PARVA: variants seen among roughly 807,000 people sequenced by gnomAD.
PARVA encodes the protein alpha-parvin.
PARVA carries 25 observed loss-of-function variants against 52.6 expected under a neutral mutation model. That is an observed-to-expected ratio of 0.48 (90% confidence interval 0.35 to 0.66). The LOEUF (loss-of-function observed/expected upper bound fraction) is 0.66, where lower values mean the gene tolerates loss of function less well. PARVA is among the 30% of genes least tolerant of loss of function. PARVA has a pLI of 0.01. For missense variants in PARVA, 373 were observed against 450.9 expected, an observed-to-expected ratio of 0.83 and a Z score of 1.56; for synonymous variants, 185 against 179.1, an observed-to-expected ratio of 1.03 and a Z score of -0.26.
At chr11:12,386,365 A>G (rs1939572092) in intron 1 of PARVA, among the ~76,000 whole-genome samples, 1 of 152,152 alleles carries the variant, frequency 6.6e-6, no homozygotes, top group Non-Finnish European at 1.5e-5. Flanking sequence ...TATTCTGGAA[A>G]TACCTTTTCC....
chr11:12,435,443 A>C (rs973557632), intron 1 of PARVA, among the ~76,000 whole-genome samples: 5 of 152,218 alleles, frequency 3.3e-5, no homozygotes, highest in South Asian at 2.1e-4. Context: ...TGTGAAACAC[A>C]CAGATGGGTG....
chr11:12,461,295 A>G (rs140818933), intron 1 of PARVA, among the ~76,000 whole-genome samples: 1,895 of 152,224 alleles, frequency 0.012, 33 homozygotes, highest in African/African-American at 0.039. Flanking sequence ...TACATTTCCT[A>G]TGTAATTAGC....
intron 1 of PARVA, among the ~76,000 whole-genome samples, chr11:12,399,452 T>G (rs1939795196): frequency 6.6e-6 from 1 of 152,220 alleles, no homozygotes; most frequent in African/African-American, 2.4e-5. Flanking sequence ...GTCTATACCC[T>G]GTTCAACTAG....
chr11:12,407,221 T>A (rs1939925052), intron 1 of PARVA, among the ~76,000 whole-genome samples: 1 of 152,222 alleles, frequency 6.6e-6, no homozygotes, highest in South Asian at 2.1e-4. Context: ...TGTGTATATC[T>A]GTGATATATT....
At chr11:12,379,514 C>A (rs1939454695) in intron 1 of PARVA, among the ~76,000 whole-genome samples, 1 of 152,208 alleles carries the variant, frequency 6.6e-6, no homozygotes, top group African/African-American at 2.4e-5. Context: ...CAATCTAACA[C>A]TAGGTCTTCT....
chr11:12,481,975 G>T (rs572017314), intron 4 of PARVA, among the ~76,000 whole-genome samples: 2 of 151,882 alleles, frequency 1.3e-5, no homozygotes, highest in Non-Finnish European at 2.9e-5. Context: ...TTCGAGACCA[G>T]CCTGACCAAC....
In PARVA at chr11:12,518,475, A is replaced by G. The variant is rs180994495; in HGVS notation, c.1000A>G (p.Met334Val). ...VLNVSFAFEL[M>V]QDGGLEKPKP... is the part of the protein sequence containing the mutation. Reference sequence around the variant, plus strand: ...GAATGTCTCCTTTGCCTTTGAGCTCATGCAAGATGGAGGGTTGGAAAAGCC... The same window carrying G: ...GAATGTCTCCTTTGCCTTTGAGCTCGTGCAAGATGGAGGGTTGGAAAAGCC... The change falls in exon 12 of 13, where the codon ATG (methionine) becomes GTG (valine). Residue 334 changes from methionine (M) to valine (V), a missense_variant. Coordinates refer to ENST00000334956, the MANE Select transcript of PARVA (RefSeq NM_018222.5). 1.2e-6 allele frequency: 2 copies of G among 1,613,812 alleles called. No individual in the cohort carries two copies. The highest frequency in any genetic ancestry group is 2.2e-5 in the South Asian group (2 of 91,000).
chr11:12,382,501 C>T (rs945714228), intron 1 of PARVA, among the ~76,000 whole-genome samples: 1 of 151,498 alleles, frequency 6.6e-6, no homozygotes, highest in African/African-American at 2.4e-5. Context: ...TATAAGTGGA[C>T]CCTCGCAGTT....
At chr11:12,447,336 C>G (rs996409852) in intron 1 of PARVA, among the ~76,000 whole-genome samples, 1 of 152,146 alleles carries the variant, frequency 6.6e-6, no homozygotes, top group Non-Finnish European at 1.5e-5. Context: ...AAATACCTTG[C>G]CCTGTGTCCC....
Position 12,415,788 on chromosome 11 carries a change from A to AAG in PARVA, c.136+38019_136+38020dup, listed in dbSNP as rs569739949. ...CTTTCTGCTCCCACCAGCCAGGAAA[A>AAG]AGAGAGAGAGAGAGATTAGGCATTT... On this transcript the variant is annotated intron_variant, in intron 1 of 12. Coordinates refer to ENST00000334956, the MANE Select transcript of PARVA (RefSeq NM_018222.5). 5.3e-5 allele frequency among the ~76,000 whole-genome samples: 8 copies of AAG among 151,834 alleles called. No homozygotes were observed. The East Asian group carries it at 1.2e-3, about 22-fold the overall frequency.
At chr11:12,526,144 C>A (rs1309277064) in intron 12 of PARVA, among the ~76,000 whole-genome samples, 2 of 152,096 alleles carry the variant, frequency 1.3e-5, no homozygotes. Context: ...GATGGGCACA[C>A]TAAAATCTCA....
Position 12,412,080 on chromosome 11 carries a change from ACTT to A in PARVA, c.136+34298_136+34300del, listed in dbSNP as rs1318443625. On this transcript the variant is annotated intron_variant, in intron 1 of 12. Transcript: ENST00000334956. ...ATCCTTCCTCCCTGATGCAATTCCC[ACTT>A]TCCTTACAGAGACTGACACTGTCCC... is the stretch of plus-strand genomic sequence containing the variant. 8.9e-3 allele frequency among the ~76,000 whole-genome samples: 1,347 copies of A among 152,120 alleles called. 17 individuals carry two copies. Among genetic ancestry groups the A allele is most frequent in the African/African-American group, 0.031 (1,286 of 41,518 alleles).
chr11:12,488,859 A>G (rs558311178), intron 4 of PARVA, among the ~76,000 whole-genome samples: 2 of 152,208 alleles, frequency 1.3e-5, no homozygotes, highest in Non-Finnish European at 2.9e-5. Context: ...CTTCTTTTAA[A>G]GAGGAAGGAA....
Position 12,518,459 on chromosome 11 carries a change from C to T in PARVA, c.984C>T (p.Ser328=). The change falls in exon 12 of 13, where the codon TCC becomes TCT. Residue 328 remains serine, a synonymous_variant. Coordinates refer to ENST00000334956, the MANE Select transcript of PARVA (RefSeq NM_018222.5). Reference sequence around the variant, plus strand: ...TCTCTTGCCAGGTCTTGAATGTCTCCTTTGCCTTTGAGCTCATGCAAGATG... The same window carrying T: ...TCTCTTGCCAGGTCTTGAATGTCTCTTTTGCCTTTGAGCTCATGCAAGATG... ...DSFEQKVLNV[S]FAFELMQDGG... is the part of the protein sequence containing the mutation. 2 of 1,613,712 alleles carry T rather than the reference C, an allele frequency of 1.2e-6. No homozygotes were observed.
At chr11:12,490,962 T>C (rs1458758022) in intron 4 of PARVA, among the ~76,000 whole-genome samples, 1 of 151,686 alleles carries the variant, frequency 6.6e-6, no homozygotes, top group Non-Finnish European at 1.5e-5. Context: ...ACCTCCCTAC[T>C]AATCATGGGG....
chr11:12,453,827 G>A (rs1161559831), intron 1 of PARVA, among the ~76,000 whole-genome samples: 1 of 152,138 alleles, frequency 6.6e-6, no homozygotes, highest in Non-Finnish European at 1.5e-5. Context: ...AATAAAAAGG[G>A]TGGCTCTAAG....
At chr11:12,442,109 C>A (rs149998885) in intron 1 of PARVA, among the ~76,000 whole-genome samples, 259 of 152,332 alleles carry the variant, frequency 1.7e-3, no homozygotes, top group African/African-American at 5.5e-3. Context: ...AGCATGGAGG[C>A]AGGAAGCCAT....
rs550670206 is a variant in PARVA, at chr11:12,392,547, G to A, written c.136+14764G>A. Among the ~76,000 whole-genome samples the A allele has an allele frequency of 8.5e-5, 13 of 152,194 alleles. No individual in the cohort carries two copies. In the East Asian group the frequency reaches 1.5e-3, roughly 18 times the overall value. On this transcript the variant is annotated intron_variant, in intron 1 of 12. Coordinates refer to ENST00000334956, the MANE Select transcript of PARVA (RefSeq NM_018222.5). Reference sequence around the variant, plus strand: ...GCTTCCCAAAGTGCTGGGATTACAGGCATGAGCCACCATACCCTTCATTCC... The same window carrying A: ...GCTTCCCAAAGTGCTGGGATTACAGACATGAGCCACCATACCCTTCATTCC...
intron 1 of PARVA, among the ~76,000 whole-genome samples, chr11:12,395,614 G>A (rs1939731417): frequency 6.6e-6 from 1 of 152,190 alleles, no homozygotes; most frequent in South Asian, 2.1e-4. Context: ...GTACGGTGCG[G>A]CCCAGATCCC....
Sources: gnomAD v4.1 joint callset for allele counts (sites outside exome capture counted in the v4.1 genomes callset) on GRCh38, gnomAD v4.1.1 for gene constraint, MANE v1.5 for transcripts, NCBI Gene and HGNC (gene_info 2026-07-23, HGNC 2026-07-21) for gene names.